Variants in ZNF782 observed in about 807,000 individuals in gnomAD.
ZNF782 encodes the protein zinc finger protein 782.
Under a neutral mutation model 13.0 loss-of-function variants are expected in ZNF782, and 12 were observed. The observed-to-expected ratio is 0.92, with a 90% confidence interval of 0.59 to 1.50. The LOEUF is 1.50. ZNF782 is among the 40% of genes most tolerant of loss of function. The pLI is 0.00. For synonymous variants in ZNF782, 284 were observed against 283.0 expected (o/e 1.00, Z -0.04); for missense variants, 770 against 822.9 (o/e 0.94, Z 0.79).
At chr9:96,930,544 AAAAG>A in the ZNF782 span, among the ~76,000 whole-genome samples, 1 of 148,044 alleles carries the variant, frequency 6.8e-6, no homozygotes, top group Non-Finnish European at 1.5e-5. Context: ...AAAAAGAAAA[AAAAG>A]AAAATCCCTA....
upstream of ZNF782, among the ~76,000 whole-genome samples, chr9:96,855,415 C>T (rs1851628396): frequency 6.6e-6 from 1 of 152,200 alleles, no homozygotes; most frequent in Non-Finnish European, 1.5e-5. Flanking sequence ...TGCCCTCCGC[C>T]ATTCCCCGCC....
the ZNF782 span, chr9:96,932,252 C>T: frequency 6.2e-7 from 1 of 1,613,850 alleles, no homozygotes; most frequent in Non-Finnish European, 8.5e-7. Context: ...ACAAGGGGCT[C>T]ATGGAGAGGG....
chr9:96,863,788 C>T (rs1851730601), intron 1 of ZNF782, among the ~76,000 whole-genome samples: 1 of 152,064 alleles, frequency 6.6e-6, no homozygotes, highest in African/African-American at 2.4e-5. Flanking sequence ...TATGTTCTCA[C>T]TTATAGGTGG....
chr9:96,819,396 C>A lies in ZNF782; in HGVS notation c.627G>T (p.Gln209His). Residue 209 changes from glutamine to histidine, a missense_variant, in exon 6 of 6, where the codon CAG (glutamine) becomes CAT (histidine). Transcript: ENST00000481138. The stretch of plus-strand genomic sequence containing the variant: ...TATATTCAAAATCTTGCCCCAGAGT[C>A]TGAATTGTCTGATGTTGAATAACTT... ...KEEVIQHQTI[Q>H]TLGQDFEYNE... The A allele has an allele frequency of 6.2e-7, 1 of 1,606,144 alleles. No individual in the cohort carries two copies. The highest frequency in any genetic ancestry group is 8.5e-7 in the Non-Finnish European group (1 of 1,177,544).
At chr9:96,837,774 T>G (rs906776928) in intron 4 of ZNF782, among the ~76,000 whole-genome samples, 2 of 152,234 alleles carry the variant, frequency 1.3e-5, no homozygotes, top group African/African-American at 4.8e-5. Flanking sequence ...TTTTGACCCC[T>G]TGGTAGTTAA....
intron 1 of ZNF782, among the ~76,000 whole-genome samples, chr9:96,864,326 C>T (rs1020430653): frequency 6.6e-6 from 1 of 151,792 alleles, no homozygotes; most frequent in Admixed American, 6.6e-5. Flanking sequence ...CTATATTTTA[C>T]ACAATTAAAA....
chr9:96,918,591 A>C, the ZNF782 span: 3 of 150,678 alleles, frequency 2.0e-5, no homozygotes, highest in African/African-American at 7.3e-5. Context: ...TGCAAAGATA[A>C]GAGACAAAAG....
At chr9:96,926,524 T>A in the ZNF782 span, among the ~76,000 whole-genome samples, 1 of 152,030 alleles carries the variant, frequency 6.6e-6, no homozygotes, top group African/African-American at 2.4e-5. Flanking sequence ...ACAAAAGGCC[T>A]GGGAGCATCC....
At chr9:96,921,319 G>C in the ZNF782 span, among the ~76,000 whole-genome samples, 44 of 146,110 alleles carry the variant, frequency 3.0e-4, no homozygotes, top group East Asian at 8.9e-3. Context: ...CAGATCACGA[G>C]GTCAGGAGAT....
chr9:96,920,423 T>C, the ZNF782 span, among the ~76,000 whole-genome samples: 4,764 of 148,882 alleles, frequency 0.032, 290 homozygotes, highest in East Asian at 0.31. Flanking sequence ...CCCACCACCA[T>C]GCCCGGCTAA....
chr9:96,865,043 C>T (rs1163076256), intron 1 of ZNF782, among the ~76,000 whole-genome samples: 1 of 151,972 alleles, frequency 6.6e-6, no homozygotes, highest in Non-Finnish European at 1.5e-5. Flanking sequence ...AAGACCCTGT[C>T]TCTTAAAATT....
chr9:96,911,167 C>T, the ZNF782 span, among the ~76,000 whole-genome samples: 7 of 145,432 alleles, frequency 4.8e-5, no homozygotes, highest in Admixed American at 2.1e-4. Context: ...GGGCCAGGCG[C>T]GGTGGCTCAC....
At position 96,823,808 on chromosome 9, in the gene ZNF782, A is replaced by G. The variant is rs568882978; in HGVS notation, c.244+3272T>C. On this transcript the variant is annotated intron_variant, in intron 5 of 5. Transcript: ENST00000481138. The stretch of plus-strand genomic sequence containing the variant: ...CTTAACATTAGTTGATATGGCAAAT[A>G]TGTTTGTCTTACTCTACGTTATGCC... Among the ~76,000 whole-genome samples the G allele has an allele frequency of 4.6e-5, 7 of 152,342 alleles. No individual in the cohort carries two copies. In the South Asian group the frequency reaches 8.3e-4, roughly 18 times the overall value.
the ZNF782 span, chr9:96,931,907 C>A: frequency 1.2e-6 from 2 of 1,612,186 alleles, no homozygotes; most frequent in Non-Finnish European, 1.7e-6. Context: ...AGTGGCAGGA[C>A]AGGATGGCCG....
At chr9:96,875,715 C>T (rs1851884537), upstream of ZNF782, 1 of 405,470 alleles carries the variant, frequency 2.5e-6, no homozygotes, top group African/African-American at 2.1e-5. Context: ...CCGGGCTTCC[C>T]GTTCTCACCC....
At chr9:96,930,988 C>T in the ZNF782 span, among the ~76,000 whole-genome samples, 2 of 144,168 alleles carry the variant, frequency 1.4e-5, no homozygotes, top group African/African-American at 2.5e-5. Context: ...TCTGCCTCCT[C>T]GGTTCAAGCA....
chr9:96,820,114 CAG>C, intron 5 of ZNF782, among the ~76,000 whole-genome samples: 1 of 152,140 alleles, frequency 6.6e-6, no homozygotes, highest in African/African-American at 2.4e-5. Flanking sequence ...ACAGGAAAAT[CAG>C]AGAATGGGAT....
intron 5 of ZNF782, among the ~76,000 whole-genome samples, 186 bp from the exon 6 acceptor site, chr9:96,819,964 A>G (rs1363329792): frequency 6.6e-6 from 1 of 152,054 alleles, no homozygotes; most frequent in Non-Finnish European, 1.5e-5. Context: ...TTTTTTTTGT[A>G]GTAGAAAAAG....
chr9:96,920,841 G>A, the ZNF782 span, among the ~76,000 whole-genome samples: 1 of 149,764 alleles, frequency 6.7e-6, no homozygotes, highest in Non-Finnish European at 1.5e-5. Flanking sequence ...CTTGAACCCA[G>A]GAGGCAGAGA....
Sources: gnomAD v4.1 joint callset for allele counts (sites outside exome capture counted in the v4.1 genomes callset) on GRCh38, gnomAD v4.1.1 for gene constraint, MANE v1.5 for transcripts, NCBI Gene and HGNC (gene_info 2026-07-23, HGNC 2026-07-21) for gene names.